The following GSPT1 variants were observed in gnomAD, a reference collection of about 807,000 sequenced individuals.
GSPT1 encodes the protein eukaryotic peptide chain release factor GTP-binding subunit ERF3A.
In GSPT1, 20 loss-of-function variants were observed where a neutral mutation model predicts 72.5. The ratio of observed to expected loss-of-function variants is 0.28; its 90% CI spans 0.19 to 0.40. The LOEUF is 0.40. Ranked by LOEUF, GSPT1 falls within the 10% of genes least tolerant of loss-of-function variation. The pLI, the probability that GSPT1 is intolerant of heterozygous loss-of-function variation, is 1.00. For synonymous variants in GSPT1, 334 were observed against 293.5 expected (o/e 1.14, Z -1.41); for missense variants, 580 against 811.9 (o/e 0.71, Z 3.47).
chr16:11,896,445 C>A, intron 4 of GSPT1, 113 bp downstream of exon 4: 4 of 710,266 alleles, frequency 5.6e-6, no homozygotes, highest in Admixed American at 3.0e-5. Context: ...AGTTAAAAAT[C>A]AAGACATTTT....
intron 1 of GSPT1, among the ~76,000 whole-genome samples, chr16:11,910,665 G>C (rs180972844): frequency 6.6e-6 from 1 of 152,248 alleles, no homozygotes; most frequent in Admixed American, 6.5e-5. Flanking sequence ...ACCAAAGCAA[G>C]CAAATCAAGG....
chr16:11,875,970 A>G (rs1567434103), intron 13 of GSPT1, 41 bp from the exon 14 acceptor site: 1 of 1,560,088 alleles, frequency 6.4e-7, no homozygotes, highest in South Asian at 1.1e-5. Context: ...AATAATGCCA[A>G]ATAAAATAAT....
upstream of GSPT1, chr16:11,915,985 C>T: frequency 1.4e-6 from 1 of 701,152 alleles, no homozygotes; most frequent in Non-Finnish European, 2.6e-6. Flanking sequence ...CCACCTCCGA[C>T]GGCCTCACAG....
At chr16:11,899,719 G>C (rs1030480841) in intron 1 of GSPT1, among the ~76,000 whole-genome samples, 11 of 152,238 alleles carry the variant, frequency 7.2e-5, no homozygotes, top group Admixed American at 3.3e-4. Flanking sequence ...AAATTACTCA[G>C]TTTTCAGAGG....
intron 1 of GSPT1, among the ~76,000 whole-genome samples, chr16:11,905,467 C>T (rs1443741555): frequency 3.3e-5 from 5 of 152,106 alleles, no homozygotes; most frequent in East Asian, 1.9e-4. Context: ...TATCCCATTC[C>T]CTGTCCATCC....
intron 5 of GSPT1, among the ~76,000 whole-genome samples, chr16:11,892,516 A>AAAAAATAAT (rs2054276035): frequency 7.1e-6 from 1 of 140,820 alleles, no homozygotes; most frequent in African/African-American, 2.8e-5. Context: ...CAAAAAAACA[A>AAAAAATAAT]AAAAAACAAA....
intron 6 of GSPT1, among the ~76,000 whole-genome samples, chr16:11,890,609 A>G (rs565168195): frequency 6.6e-6 from 1 of 152,268 alleles, no homozygotes; most frequent in African/African-American, 2.4e-5. Flanking sequence ...AGAAAACAAA[A>G]AAGTTGACTG....
chr16:11,892,850 A>G (rs1596466737), intron 5 of GSPT1, among the ~76,000 whole-genome samples: 1 of 149,706 alleles, frequency 6.7e-6, no homozygotes, highest in African/African-American at 2.5e-5. Context: ...AAAAAAAAAA[A>G]AAAAAGAAAA....
At chr16:11,905,747 A>G (rs1384910699) in intron 1 of GSPT1, among the ~76,000 whole-genome samples, 5 of 152,152 alleles carry the variant, frequency 3.3e-5, no homozygotes, top group Non-Finnish European at 7.4e-5. Context: ...TGGCGGGAGA[A>G]TGGCTTGAAC....
intron 1 of GSPT1, among the ~76,000 whole-genome samples, chr16:11,913,668 G>A (rs1688680568): frequency 2.6e-5 from 4 of 152,218 alleles, no homozygotes; most frequent in Non-Finnish European, 5.9e-5. Flanking sequence ...AGCCAAGAAA[G>A]AAAATGGCTG....
chr16:11,914,959 C>A, intron 1 of GSPT1: 1 of 1,234,882 alleles, frequency 8.1e-7, no homozygotes. Flanking sequence ...CATTCGTCCT[C>A]CCCAACTCCT....
upstream of GSPT1, among the ~76,000 whole-genome samples, chr16:11,916,581 G>A (rs1265831734): frequency 2.0e-5 from 3 of 152,178 alleles, no homozygotes; most frequent in African/African-American, 7.2e-5. Flanking sequence ...TTGCAAAGCT[G>A]ATTTCATTTT....
At chr16:11,899,878 A>C (rs943592323) in intron 1 of GSPT1, among the ~76,000 whole-genome samples, 10 of 152,060 alleles carry the variant, frequency 6.6e-5, no homozygotes, top group African/African-American at 1.9e-4. Flanking sequence ...ATTCCACTGA[A>C]ATTGTGGAAA....
chr16:11,914,996 A>G, intron 1 of GSPT1: 1 of 1,287,922 alleles, frequency 7.8e-7, no homozygotes, highest in Non-Finnish European at 1.0e-6. Context: ...CACCCAAATG[A>G]CTCCTGGCTC....
chr16:11,895,336 C>T (rs1215568336), intron 4 of GSPT1: 1 of 180,556 alleles, frequency 5.5e-6, no homozygotes, highest in African/African-American at 2.4e-5. Flanking sequence ...GAAGCTGAGG[C>T]AGGAGAATCG....
At chr16:11,881,209 T>C (rs1404654238) in intron 11 of GSPT1, 6 of 152,298 alleles carry the variant, frequency 3.9e-5, no homozygotes, top group Admixed American at 1.3e-4. Context: ...TCTATGTCTT[T>C]TAAACTATTC....
chr16:11,910,786 A>G (rs1244362657), intron 1 of GSPT1, among the ~76,000 whole-genome samples: 4 of 152,230 alleles, frequency 2.6e-5, no homozygotes, highest in Non-Finnish European at 4.4e-5. Context: ...GAAGAATGCA[A>G]TAAGATATGT....
chr16:11,887,832 G>C, intron 6 of GSPT1, 82 bp from the exon 7 acceptor site: 1 of 918,160 alleles, frequency 1.1e-6, no homozygotes, highest in South Asian at 1.6e-5. Context: ...AAGATATAAT[G>C]GATGACACAC....
chr16:11,892,531 A>AAAAAAAAAT (rs1567443313), intron 5 of GSPT1, among the ~76,000 whole-genome samples: 1 of 139,864 alleles, frequency 7.1e-6, no homozygotes, highest in African/African-American at 2.8e-5. Flanking sequence ...AACAAAAAAA[A>AAAAAAAAAT]CAAAAAATAA....
Sources: allele counts gnomAD v4.1 joint callset (sites outside exome capture counted in the v4.1 genomes callset), GRCh38; gene constraint gnomAD v4.1.1; transcripts MANE v1.5; gene names NCBI Gene and HGNC (gene_info 2026-07-23, HGNC 2026-07-21).